The following UGT2A1 variants were observed in gnomAD, a reference collection of about 807,000 sequenced individuals.
The protein encoded by UGT2A1 is UDP glucuronosyltransferase family 2 member A1 complex locus.
Under a neutral mutation model 45.4 loss-of-function variants are expected in UGT2A1, and 61 were observed. That is an observed-to-expected ratio of 1.34 (90% CI 1.09 to 1.66). The LOEUF (loss-of-function observed/expected upper bound fraction) is 1.66. Ranked by LOEUF, UGT2A1 falls within the 40% of genes most tolerant of loss-of-function variation. The pLI is 0.00. For synonymous variants in UGT2A1, 229 were observed against 196.2 expected (o/e 1.17, Z -1.40); for missense variants, 649 against 574.3 (o/e 1.13, Z -1.33).
At position 69,599,695 on chromosome 4, in the gene UGT2A1, A is replaced by AAGAGAG. The variant is rs138740078; in HGVS notation, c.848-307_848-302dup. 9.3e-3 allele frequency: 1,872 copies of AAGAGAG among 200,514 alleles called. 29 individuals are homozygous for AAGAGAG. The highest frequency in any genetic ancestry group is 0.041 in the African/African-American group (1,733 of 42,050). The allele number at this position is 200,514 out of a possible 1,614,324, so 12.4% of individuals were successfully genotyped here. The stretch of plus-strand genomic sequence containing the variant: ...GGGAAGAAAGAGGTAGAAATAAAGA[A>AAGAGAG]AGAGAGAGAGAGAGGAAGAGAGAGA... On this transcript the variant is annotated intron_variant, in intron 3 of 6. Transcript: ENST00000286604.
At chr4:69,591,503 C>T (rs954801162) in intron 6 of UGT2A1, among the ~76,000 whole-genome samples, 1 of 152,188 alleles carries the variant, frequency 6.6e-6, no homozygotes, top group Non-Finnish European at 1.5e-5. Context: ...AGGAAGCCTT[C>T]AGGTAGTAGG....
At chr4:69,595,443 C>T (rs4148303) in intron 4 of UGT2A1, among the ~76,000 whole-genome samples, 194 bp from the exon 5 acceptor site, 98,131 of 152,000 alleles carry the variant, frequency 0.65, 32,024 homozygotes, top group East Asian at 0.74. Flanking sequence ...TAATAGTCTA[C>T]CAAGTATAGT....
intron 3 of UGT2A1, among the ~76,000 whole-genome samples, chr4:69,607,508 G>T (rs1719716652): frequency 1.3e-5 from 2 of 151,662 alleles, no homozygotes; most frequent in Non-Finnish European, 2.9e-5. Flanking sequence ...CATAGGCATG[G>T]GCAAGGACTT....
intron 6 of UGT2A1, among the ~76,000 whole-genome samples, chr4:69,593,237 T>G (rs960063930): frequency 6.6e-6 from 1 of 152,060 alleles, no homozygotes; most frequent in Non-Finnish European, 1.5e-5. Flanking sequence ...AAATCCTAAA[T>G]ATTTTGGAAT....
chr4:69,634,952 G>A (rs1189887571), intron 3 of UGT2A1, among the ~76,000 whole-genome samples: 1 of 151,986 alleles, frequency 6.6e-6, no homozygotes, highest in Admixed American at 6.6e-5. Context: ...CTGGGATAAG[G>A]TAACATTAGT....
intron 2 of UGT2A1, among the ~76,000 whole-genome samples, chr4:69,638,560 T>C (rs1721850711): frequency 6.6e-6 from 1 of 152,156 alleles, no homozygotes; most frequent in Non-Finnish European, 1.5e-5. Context: ...ATGTATCACC[T>C]CGAAAATATT....
At chr4:69,620,380 A>G (rs1185237832) in intron 3 of UGT2A1, among the ~76,000 whole-genome samples, 1 of 151,716 alleles carries the variant, frequency 6.6e-6, no homozygotes, top group Non-Finnish European at 1.5e-5. Flanking sequence ...CCCATTCACA[A>G]TTGCTAAAAA....
intron 3 of UGT2A1, among the ~76,000 whole-genome samples, chr4:69,606,032 C>G (rs1039212263): frequency 2.2e-5 from 3 of 136,340 alleles, no homozygotes; most frequent in Non-Finnish European, 4.7e-5. Context: ...GAAACTATTC[C>G]AAGCAATAGA....
chr4:69,638,420 T>A (rs1034381794), intron 2 of UGT2A1, among the ~76,000 whole-genome samples: 1 of 152,062 alleles, frequency 6.6e-6, no homozygotes, highest in Admixed American at 6.6e-5. Flanking sequence ...CCCAGAGATG[T>A]GTAAAGATAG....
chr4:69,602,379 G>C (rs1431179523), intron 3 of UGT2A1, among the ~76,000 whole-genome samples: 1 of 137,198 alleles, frequency 7.3e-6, no homozygotes, highest in Admixed American at 7.1e-5. Context: ...TCAGTGGTAT[G>C]TACTAATGAC....
At position 69,602,952 on chromosome 4, in the gene UGT2A1, C is replaced by G. The variant is rs759365334; in HGVS notation, c.848-3558G>C. Among the ~76,000 whole-genome samples the G allele has an allele frequency of 1.5e-5, 2 of 135,092 alleles. 1 individual carries two copies. Among genetic ancestry groups the G allele is most frequent in the African/African-American group, 6.0e-5 (2 of 33,224 alleles). 88.6% of individuals were successfully genotyped at this position (135,092 alleles called of 152,430 possible). ...GCGTGGTGGCAGGTGCCTGTAATCC[C>G]AGATACTCTAGAGGCTGAGGCAGAG... is the stretch of plus-strand genomic sequence containing the variant. On this transcript the variant is annotated intron_variant, in intron 3 of 6. Transcript: ENST00000286604.
chr4:69,595,292 G>A (rs772970825), intron 4 of UGT2A1, 43 bp from the exon 5 acceptor site: 2 of 1,601,608 alleles, frequency 1.2e-6, no homozygotes, highest in Admixed American at 1.7e-5. Flanking sequence ...AAAACACAAT[G>A]AGGACATTTT....
At chr4:69,607,200 G>A (rs983005401) in intron 3 of UGT2A1, among the ~76,000 whole-genome samples, 2 of 150,202 alleles carry the variant, frequency 1.3e-5, no homozygotes, top group African/African-American at 2.5e-5. Flanking sequence ...AAAACAGCAT[G>A]GTACTGGTAC....
In UGT2A1 at chr4:69,647,634, T is replaced by C; in HGVS notation, c.11A>G (p.Asn4Ser). 2 of 1,569,432 alleles carry C rather than the reference T, an allele frequency of 1.3e-6. No individual in the cohort carries two copies. The highest frequency in any genetic ancestry group is 1.7e-6 in the Non-Finnish European group (2 of 1,159,698). The change falls in exon 2 of 7, where the codon AAC becomes AGC. Residue 4 changes from asparagine (N) to serine (S), a missense_variant. Coordinates refer to ENST00000286604, the MANE Select transcript of UGT2A1 (RefSeq NM_001252275.3). ...TATCTGAAGGGAGAACAGCAGAAGG[T>C]TGTTTAACATGATGTGGCTTGATGC... MLN[N>S]LLLFSLQISL...
rs1034764317 is a variant in UGT2A1 at position 69,647,687 on chromosome 4, T to C, written c.-43A>G. On this transcript the variant is annotated 5_prime_UTR_variant, in exon 2 of 7. Transcript: ENST00000286604. ...AAGATTTGATGAGATGTGAAGCAAATGTTTTTCTCTGCTTTTAAAGAAAAA... is the reference window on the plus strand; with the variant it reads ...AAGATTTGATGAGATGTGAAGCAAACGTTTTTCTCTGCTTTTAAAGAAAAA... 1.5e-6 allele frequency: 2 copies of C among 1,322,916 alleles called. No individual in the cohort carries two copies. Among genetic ancestry groups the C allele is most frequent in the Non-Finnish European group, 2.0e-6 (2 of 981,630 alleles). The allele number at this position is 1,322,916 out of a possible 1,614,324, so 81.9% of individuals were successfully genotyped here. A position where few individuals can be genotyped will look rare whatever the true frequency, so the allele number is the denominator to read the frequency against.
At chr4:69,613,173 A>G (rs974427519) in intron 3 of UGT2A1, among the ~76,000 whole-genome samples, 2 of 152,006 alleles carry the variant, frequency 1.3e-5, no homozygotes, top group Admixed American at 6.6e-5. Flanking sequence ...CAAAATCATA[A>G]TGATATATAA....
At chr4:69,615,362 C>G (rs1720317457) in intron 3 of UGT2A1, among the ~76,000 whole-genome samples, 1 of 151,952 alleles carries the variant, frequency 6.6e-6, no homozygotes, top group Non-Finnish European at 1.5e-5. Context: ...CAAAAATGGA[C>G]AGATGGGATC....
chr4:69,589,275 T>A lies in UGT2A1; in HGVS notation c.*97A>T. On this transcript the variant is annotated 3_prime_UTR_variant, in exon 7 of 7. Coordinates refer to ENST00000286604, the MANE Select transcript of UGT2A1 (RefSeq NM_001252275.3). ...AAATTTGGAAACAGGATGGGAGACGTGTTTTTGTTAAACTCCTTTTGTCTG... is the reference window on the plus strand; with the variant it reads ...AAATTTGGAAACAGGATGGGAGACGAGTTTTTGTTAAACTCCTTTTGTCTG... 7.2e-7 allele frequency: 1 copy of A among 1,382,014 alleles called. No individual in the cohort carries two copies. Among genetic ancestry groups the A allele is most frequent in the South Asian group, 1.8e-5 (1 of 56,698 alleles). The allele number at this position is 1,382,014 out of a possible 1,614,324, so 85.6% of individuals were successfully genotyped here.
rs186731127 is a variant in UGT2A1, at chr4:69,640,088, T to C, written c.716-4266A>G. ...TGATTGTTGTCTCCTATGCCTTTGT[T>C]ACAGGGAATTTTTCAGTTTCTTCCA... On this transcript the variant is annotated intron_variant, in intron 2 of 6. Coordinates refer to ENST00000286604, the MANE Select transcript of UGT2A1 (RefSeq NM_001252275.3). Among the ~76,000 whole-genome samples, 43 of 152,130 alleles carry C rather than the reference T, an allele frequency of 2.8e-4. 1 individual carries two copies. Among genetic ancestry groups the C allele is most frequent in the Admixed American group, 2.6e-3 (39 of 15,256 alleles).
Sources: gnomAD v4.1 joint callset for allele counts (sites outside exome capture counted in the v4.1 genomes callset) on GRCh38, gnomAD v4.1.1 for gene constraint, MANE v1.5 for transcripts, NCBI Gene and HGNC (gene_info 2026-07-23, HGNC 2026-07-21) for gene names.